RASA3: variants seen among roughly 807,000 people sequenced by gnomAD.
RASA3 encodes RAS p21 protein activator 3.
Under a neutral mutation model 110.0 loss-of-function variants are expected in RASA3, and 73 were observed. The ratio of observed to expected loss-of-function variants is 0.66; its 90% CI spans 0.55 to 0.81. The LOEUF (loss-of-function observed/expected upper bound fraction) is 0.81, where lower values mean the gene tolerates loss of function less well. Among genes scored for constraint, RASA3 ranks in the 30% least tolerant of loss-of-function variants. RASA3 has a pLI of 0.00. For missense variants in RASA3, 976 were observed against 1,113.2 expected (o/e 0.88, Z 1.75); for synonymous variants, 500 against 451.4 (o/e 1.11, Z -1.37).
intron 3 of RASA3, among the ~76,000 whole-genome samples, chr13:114,051,627 C>T (rs1488697091): frequency 1.3e-5 from 2 of 151,944 alleles, no homozygotes; most frequent in African/African-American, 4.8e-5. Flanking sequence ...GGCAACATGC[C>T]CCCACCCCCA....
Position 114,132,499 on chromosome 13 carries a change from C to T in RASA3, c.-10G>A. The T allele has an allele frequency of 1.4e-6, 2 of 1,461,830 alleles. No homozygotes were observed. The highest frequency in any genetic ancestry group is 3.0e-5 in the East Asian group (1 of 33,114). The allele number at this position is 1,461,830 out of a possible 1,614,324, so 90.6% of individuals were successfully genotyped here. On this transcript the variant is annotated 5_prime_UTR_variant, in exon 1 of 24. Transcript: ENST00000334062. ...CGTCCTCCACCGCCATGCTGCGCGT[C>T]CGCGCCCGCCGAGCCTCGCCCCAAG...
At chr13:114,021,873 G>A (rs1289923659) in intron 8 of RASA3, among the ~76,000 whole-genome samples, 1 of 152,098 alleles carries the variant, frequency 6.6e-6, no homozygotes, top group East Asian at 1.9e-4. Context: ...GCACCCAGGA[G>A]CTACATGACC....
intron 1 of RASA3, among the ~76,000 whole-genome samples, chr13:114,120,115 T>C (rs1208670256): frequency 2.5e-3 from 7 of 2,798 alleles, no homozygotes; most frequent in Non-Finnish European, 3.1e-3. Context: ...AGGGCCCCCC[T>C]CCCCTCTCCA....
intron 1 of RASA3, among the ~76,000 whole-genome samples, chr13:114,074,359 C>T (rs994612378): frequency 2.0e-5 from 3 of 152,166 alleles, no homozygotes; most frequent in African/African-American, 4.8e-5. Flanking sequence ...GGCCTCACGT[C>T]GGCGGGATCC....
At chr13:114,013,277 T>C in intron 14 of RASA3, 29 bp from the exon 15 acceptor site, 3 of 1,571,378 alleles carry the variant, frequency 1.9e-6, no homozygotes, top group South Asian at 2.3e-5. Flanking sequence ...GGGTGACCGT[T>C]TTCCTCGGGC....
At chr13:114,004,403 G>A (rs1259236971) in intron 18 of RASA3, among the ~76,000 whole-genome samples, 2 of 151,582 alleles carry the variant, frequency 1.3e-5, no homozygotes, top group African/African-American at 4.8e-5. Context: ...ATTTAAAAGT[G>A]GCCAAAGGAC....
chr13:114,007,705 T>A, intron 17 of RASA3, 99 bp from the exon 18 acceptor site: 1 of 986,080 alleles, frequency 1.0e-6, no homozygotes, highest in Non-Finnish European at 1.6e-6. Context: ...GCCTCCTTTG[T>A]AATACCAGTG....
At chr13:114,001,377 C>T (rs1233230187) in intron 18 of RASA3, among the ~76,000 whole-genome samples, 6 of 150,034 alleles carry the variant, frequency 4.0e-5, no homozygotes, top group East Asian at 2.0e-4. Flanking sequence ...GACCCGCGGC[C>T]GCGGGCTCGG....
intron 9 of RASA3, among the ~76,000 whole-genome samples, chr13:114,020,000 G>A (rs79496959): frequency 0.03 from 863 of 28,518 alleles, 75 homozygotes; most frequent in Admixed American, 0.044. Context: ...CCAGGTGGGT[G>A]GAGCCTGTGT....
intron 21 of RASA3, among the ~76,000 whole-genome samples, chr13:113,994,857 C>A (rs934998599): frequency 6.6e-6 from 1 of 152,256 alleles, no homozygotes; most frequent in East Asian, 1.9e-4. Context: ...ACCTGTAGTC[C>A]CAGGTACCTG....
In RASA3 at chr13:114,014,020, ATCTCTCTCTCTCCG is replaced by A. The variant is rs780649692; in HGVS notation, c.1406-786_1406-773del. On this transcript the variant is annotated intron_variant, in intron 14 of 23. Transcript: ENST00000334062. This position sits in a 1 kb window ranked among gnomAD's most constrained non-coding sequence, Gnocchi z 4.5. ...TCTCCGTCTGTCTCTGTCTCTCTCC[ATCTCTCTCTCTCCG>A]TCTCTATCTCTCTCTCCGTCTGTCT... Among the ~76,000 whole-genome samples the A allele has an allele frequency of 0.33, 13,081 of 39,852 alleles. 762 individuals carry two copies. Among genetic ancestry groups the A allele is most frequent in the Middle Eastern group, 0.44 (32 of 72 alleles). The allele number at this position is 39,852 out of a possible 152,430, so 26.1% of individuals were successfully genotyped here. A position where few individuals can be genotyped will look rare whatever the true frequency, so the allele number is the denominator to read the frequency against.
At chr13:114,013,078 C>T (rs1377614118) in intron 15 of RASA3, 64 bp downstream of exon 15, 5 of 1,427,924 alleles carry the variant, frequency 3.5e-6, no homozygotes, top group Non-Finnish European at 3.8e-6. Context: ...CACGCAGATG[C>T]CCCAACCCAG....
chr13:114,033,342 ACT>A (rs1358657278), intron 4 of RASA3, among the ~76,000 whole-genome samples: 2 of 63,894 alleles, frequency 3.1e-5, no homozygotes, highest in Non-Finnish European at 5.7e-5. Context: ...GCACCCCCAC[ACT>A]GACACCACAC....
At chr13:114,031,823 C>G (rs1469990778) in intron 4 of RASA3, among the ~76,000 whole-genome samples, 2 of 152,308 alleles carry the variant, frequency 1.3e-5, no homozygotes, top group African/African-American at 4.8e-5. Flanking sequence ...CAGGGCTTGT[C>G]CCTGCCTGTG....
In RASA3 at chr13:114,016,957, G is replaced by T. The variant is rs1004381718; in HGVS notation, c.1206+280C>A. ...ACTGCAGGACATGTGGAGAAAGAAG[G>T]TCTCCCTGGGAAGAGCCAGGCTTTT... On this transcript the variant is annotated intron_variant, in intron 12 of 23. Transcript: ENST00000334062. Among the ~76,000 whole-genome samples, 11 of 152,326 alleles carry T rather than the reference G, an allele frequency of 7.2e-5. No homozygotes were observed. In the South Asian group the frequency reaches 2.1e-3, roughly 29 times the overall value.
At chr13:114,042,158 G>A (rs958029786) in intron 3 of RASA3, among the ~76,000 whole-genome samples, 1 of 152,174 alleles carries the variant, frequency 6.6e-6, no homozygotes, top group African/African-American at 2.4e-5. Flanking sequence ...AAACATTCCC[G>A]AGGCGCGGCA....
At chr13:114,001,813 C>A (rs533456681) in intron 18 of RASA3, among the ~76,000 whole-genome samples, 3 of 152,352 alleles carry the variant, frequency 2.0e-5, no homozygotes, top group Admixed American at 2.0e-4. Context: ...CCCACAAAAC[C>A]CACACCTGTG....
At chr13:114,097,337 G>A (rs943928883) in intron 1 of RASA3, among the ~76,000 whole-genome samples, 6 of 152,218 alleles carry the variant, frequency 3.9e-5, no homozygotes, top group African/African-American at 1.4e-4. Flanking sequence ...ACAAGCAGCC[G>A]GCAACCTGCC....
At chr13:114,109,022 C>T (rs1479406404) in intron 1 of RASA3, among the ~76,000 whole-genome samples, 1 of 152,184 alleles carries the variant, frequency 6.6e-6, no homozygotes, top group Non-Finnish European at 1.5e-5. Context: ...CTCCACTCGG[C>T]CCCCTCCACC....
Sources: allele counts gnomAD v4.1 joint callset (sites outside exome capture counted in the v4.1 genomes callset), GRCh38; gene constraint gnomAD v4.1.1; non-coding constraint Gnocchi (gnomAD v3.1); transcripts MANE v1.5; gene names NCBI Gene and HGNC (gene_info 2026-07-23, HGNC 2026-07-21).